Variants in GOLM2 observed in about 807,000 individuals in gnomAD.
The protein encoded by GOLM2 is protein GOLM2.
GOLM2 carries 26 observed loss-of-function variants against 55.9 expected under a neutral mutation model. The observed-to-expected ratio is 0.47, with a 90% CI of 0.34 to 0.65. The LOEUF (loss-of-function observed/expected upper bound fraction) is 0.65. Ranked by LOEUF, GOLM2 falls within the 30% of genes least tolerant of loss-of-function variation. The pLI is 0.01. For missense variants in GOLM2, 486 were observed against 531.8 expected (o/e 0.91, Z 0.85); for synonymous variants, 165 against 194.6 (o/e 0.85, Z 1.27).
chr15:44,397,805 C>A (rs2079537657), intron 8 of GOLM2, among the ~76,000 whole-genome samples: 1 of 152,016 alleles, frequency 6.6e-6, no homozygotes, highest in Admixed American at 6.6e-5. Context: ...ACTGTAGTTC[C>A]AAATTCAGTT....
chr15:44,325,115 T>G (rs2078973033), intron 2 of GOLM2, among the ~76,000 whole-genome samples: 1 of 152,184 alleles, frequency 6.6e-6, no homozygotes, highest in Non-Finnish European at 1.5e-5. Context: ...ATTATACAGA[T>G]TATTTCATCT....
intron 9 of GOLM2, chr15:44,409,405 G>T (rs928368467): frequency 6.9e-6 from 1 of 145,548 alleles, no homozygotes; most frequent in African/African-American, 2.6e-5. Context: ...TGGCCAACAT[G>T]GGGAAAACCT....
intron 1 of GOLM2, among the ~76,000 whole-genome samples, chr15:44,321,281 G>A (rs2078946621): frequency 6.6e-6 from 1 of 151,918 alleles, no homozygotes; most frequent in Admixed American, 6.6e-5. Context: ...AGAACAGCCT[G>A]GACAACATAG....
intron 8 of GOLM2, among the ~76,000 whole-genome samples, chr15:44,397,005 C>T (rs1035966077): frequency 2.0e-5 from 3 of 151,980 alleles, no homozygotes; most frequent in East Asian, 1.9e-4. Context: ...AATATTCAAG[C>T]GCACAATTGA....
chr15:44,379,233 T>A (rs1172710211), intron 6 of GOLM2, among the ~76,000 whole-genome samples: 1 of 152,070 alleles, frequency 6.6e-6, no homozygotes, highest in Non-Finnish European at 1.5e-5. Context: ...TCCCAGCACT[T>A]TGGGAGGCTG....
At chr15:44,311,439 G>A (rs1207716134) in intron 1 of GOLM2, among the ~76,000 whole-genome samples, 1 of 151,912 alleles carries the variant, frequency 6.6e-6, no homozygotes, top group African/African-American at 2.4e-5. Context: ...ATGAAATTCA[G>A]GACATGATGT....
chr15:44,351,239 A>G (rs1325912723), intron 6 of GOLM2, among the ~76,000 whole-genome samples: 1 of 152,068 alleles, frequency 6.6e-6, no homozygotes, highest in South Asian at 2.1e-4. Context: ...AAGCACTGCT[A>G]TTTAACCTAG....
intron 6 of GOLM2, chr15:44,355,669 G>A: frequency 4.6e-6 from 1 of 219,140 alleles, no homozygotes; most frequent in Non-Finnish European, 9.3e-6. Context: ...GGACCTCATG[G>A]TCCACATGGC....
intron 9 of GOLM2, among the ~76,000 whole-genome samples, chr15:44,408,383 C>T (rs2079611809): frequency 6.6e-6 from 1 of 152,028 alleles, no homozygotes; most frequent in African/African-American, 2.4e-5. Context: ...ATTTAAAAGT[C>T]CTATGAAATT....
chr15:44,374,208 A>G (rs1183897884), intron 6 of GOLM2, among the ~76,000 whole-genome samples: 1 of 152,166 alleles, frequency 6.6e-6, no homozygotes, highest in Admixed American at 6.5e-5. Context: ...GATAAAAACT[A>G]TATGCTCTAA....
Position 44,338,271 on chromosome 15 carries a change from T to G in GOLM2, c.756T>G (p.Pro252=). Residue 252 remains proline (P), a synonymous_variant, in exon 6 of 10, where the codon CCT becomes CCG. Transcript: ENST00000299957. ...AAAGAGGTGGTGATGCAGGGATGCC[T>G]GGAATAGAAGAGAATGACCTAGCAA... ...QIKRGGDAGM[P]GIEENDLAKV... The G allele has an allele frequency of 6.2e-7, 1 of 1,613,862 alleles. No homozygotes were observed. Among genetic ancestry groups the G allele is most frequent in the South Asian group, 1.1e-5 (1 of 91,064 alleles).
rs2079419659 is a variant in GOLM2, at chr15:44,383,656, CTTTTCT to C, written c.1072+2691_1072+2696del. 5.5e-5 allele frequency among the ~76,000 whole-genome samples: 8 copies of C among 145,114 alleles called. No homozygotes were observed. In the South Asian group the frequency reaches 1.8e-3, roughly 32 times the overall value. ...TTTGTTCTATTTATTTGTATCAACT[CTTTTCT>C]TTTTCTTTTTTTCTTTTTTTTTTTT... On this transcript the variant is annotated intron_variant, in intron 8 of 9. Coordinates refer to ENST00000299957, the MANE Select transcript of GOLM2 (RefSeq NM_138423.4).
chr15:44,383,366 G>A (rs1167965648), intron 8 of GOLM2, among the ~76,000 whole-genome samples: 1 of 151,980 alleles, frequency 6.6e-6, no homozygotes, highest in East Asian at 1.9e-4. Flanking sequence ...TAGCTTTATA[G>A]CACTTGTTAA....
chr15:44,383,159 T>A (rs2079416339), intron 8 of GOLM2, among the ~76,000 whole-genome samples: 1 of 151,494 alleles, frequency 6.6e-6, no homozygotes, highest in Admixed American at 6.6e-5. Flanking sequence ...TATACATATA[T>A]TCTATTGTGC....
chr15:44,363,277 T>A (rs999905565), intron 6 of GOLM2, among the ~76,000 whole-genome samples: 4 of 151,548 alleles, frequency 2.6e-5, no homozygotes, highest in African/African-American at 7.3e-5. Flanking sequence ...TGGGAAAAAA[T>A]TTTTGCAACC....
chr15:44,383,712 A>G (rs1393777907), intron 8 of GOLM2, among the ~76,000 whole-genome samples: 2 of 127,092 alleles, frequency 1.6e-5, no homozygotes, highest in African/African-American at 3.1e-5. Flanking sequence ...GTCTCACTCT[A>G]TCACCCAGGC....
At chr15:44,292,298 C>T (rs922209649) in intron 1 of GOLM2, among the ~76,000 whole-genome samples, 4 of 150,576 alleles carry the variant, frequency 2.7e-5, no homozygotes, top group African/African-American at 7.3e-5. Flanking sequence ...CCTGGGTTCA[C>T]GCCATTCTCT....
intron 6 of GOLM2, among the ~76,000 whole-genome samples, chr15:44,363,960 G>C (rs1468774910): frequency 6.6e-6 from 1 of 151,392 alleles, no homozygotes; most frequent in Non-Finnish European, 1.5e-5. Context: ...ACCAAACACC[G>C]CATATTCTCA....
intron 8 of GOLM2, among the ~76,000 whole-genome samples, chr15:44,398,759 C>T (rs923933464): frequency 1.3e-5 from 2 of 150,706 alleles, no homozygotes; most frequent in Non-Finnish European, 3.0e-5. Context: ...CTCCACCTCC[C>T]GGGTTCAAGC....
Sources: gnomAD v4.1 joint callset for allele counts (sites outside exome capture counted in the v4.1 genomes callset) on GRCh38, gnomAD v4.1.1 for gene constraint, MANE v1.5 for transcripts, NCBI Gene and HGNC (gene_info 2026-07-23, HGNC 2026-07-21) for gene names.